Variants in NAV3 observed in about 807,000 individuals in gnomAD.
NAV3 encodes the protein pore membrane and/or filament interacting like protein 1.
Under a neutral mutation model 244.7 loss-of-function variants are expected in NAV3, and 87 were observed. The observed-to-expected ratio is 0.36, with a 90% CI of 0.30 to 0.42. NAV3 has a LOEUF of 0.42. Among genes scored for constraint, NAV3 ranks in the 20% least tolerant of loss-of-function variants. NAV3 has a pLI of 1.00. For missense variants in NAV3, 2,663 were observed against 2,893.3 expected (o/e 0.92, Z 1.83); for synonymous variants, 1,126 against 1,042.2 (o/e 1.08, Z -1.55).
chr12:78,136,984 C>T (rs757734422), intron 18 of NAV3, among the ~76,000 whole-genome samples, 193 bp from the exon 19 acceptor site: 4 of 152,190 alleles, frequency 2.6e-5, no homozygotes, highest in South Asian at 2.1e-4. Context: ...TTCCCATAAA[C>T]GTGCCAGAGG....
In NAV3 at chr12:78,179,930, G is replaced by A. The variant is rs1958428065; in HGVS notation, c.5517+248G>A. Among the ~76,000 whole-genome samples, 3 of 152,188 alleles carry A rather than the reference G, an allele frequency of 2.0e-5. No homozygotes were observed. The South Asian group carries it at 6.2e-4, about 32-fold the overall frequency. On this transcript the variant is annotated intron_variant, in intron 29 of 39. Coordinates refer to ENST00000397909, the MANE Select transcript of NAV3 (RefSeq NM_001024383.2). ...CATTCAGGATACTGTACTAGTAATT[G>A]GATTCAGGTTGAGAGCTAAGCTTTT...
chr12:77,941,322 C>T (rs371496618), intron 3 of NAV3, among the ~76,000 whole-genome samples, 189 bp downstream of exon 3: 1 of 152,154 alleles, frequency 6.6e-6, no homozygotes, highest in East Asian at 1.9e-4. Flanking sequence ...CTCCTATATA[C>T]ACATGACATA....
At chr12:77,888,013 A>G (rs543801802) in intron 1 of NAV3, among the ~76,000 whole-genome samples, 1 of 111,160 alleles carries the variant, frequency 9.0e-6, no homozygotes, top group South Asian at 3.4e-4. Context: ...TAAAGACACA[A>G]AAGTTGTTGA....
intron 2 of NAV3, among the ~76,000 whole-genome samples, chr12:77,669,366 A>T (rs1483137311): frequency 6.6e-6 from 1 of 152,186 alleles, no homozygotes; most frequent in African/African-American, 2.4e-5. Context: ...CTAACATTGA[A>T]TGTAAGTGGC....
intron 2 of NAV3, among the ~76,000 whole-genome samples, chr12:77,694,996 A>G (rs1028016430): frequency 1.8e-4 from 28 of 152,212 alleles, no homozygotes; most frequent in Admixed American, 1.8e-3. Context: ...ACTAACAACA[A>G]TGGCTGGCAT....
At chr12:77,749,075 G>T (rs1426896005) in intron 2 of NAV3, among the ~76,000 whole-genome samples, 1 of 152,120 alleles carries the variant, frequency 6.6e-6, no homozygotes, top group Non-Finnish European at 1.5e-5. Context: ...AACCATCCAC[G>T]TTGTTGGAAA....
At chr12:77,900,939 A>G (rs1885214686) in intron 1 of NAV3, among the ~76,000 whole-genome samples, 1 of 152,110 alleles carries the variant, frequency 6.6e-6, no homozygotes, top group African/African-American at 2.4e-5. Flanking sequence ...CTGGTTTGAG[A>G]TGGTATCTTA....
In NAV3 at chr12:77,812,443, C is replaced by G. The variant is rs60440982; in HGVS notation, c.73-127876C>G. On this transcript the variant is annotated intron_variant, in intron 2 of 8. Transcript: ENST00000550042. ...CTTTTATTTTTTTGAGACAGTCTCACTCTGTTGCCCAGGCTGGAGTGCAGT... is the reference window on the plus strand; with the variant it reads ...CTTTTATTTTTTTGAGACAGTCTCAGTCTGTTGCCCAGGCTGGAGTGCAGT... 3.3e-3 allele frequency among the ~76,000 whole-genome samples: 505 copies of G among 151,768 alleles called. 3 individuals are homozygous for G. Among genetic ancestry groups the G allele is most frequent in the Middle Eastern group, 0.014 (4 of 294 alleles).
At chr12:77,976,554 A>C (rs144802110) in intron 5 of NAV3, among the ~76,000 whole-genome samples, 28 of 152,002 alleles carry the variant, frequency 1.8e-4, no homozygotes, top group African/African-American at 6.0e-4. Flanking sequence ...GTCATAACTT[A>C]TATGGAGCCC....
chr12:78,094,876 G>T (rs185637385), intron 12 of NAV3, among the ~76,000 whole-genome samples: 1 of 151,540 alleles, frequency 6.6e-6, no homozygotes, highest in Non-Finnish European at 1.5e-5. Flanking sequence ...GTGAAACCCC[G>T]TCTCTACTAA....
Position 77,798,155 on chromosome 12 carries a change from G to A in NAV3, c.73-142164G>A, listed in dbSNP as rs944408494. Among the ~76,000 whole-genome samples the A allele has an allele frequency of 2.2e-5, 3 of 137,096 alleles. No individual in the cohort carries two copies. The South Asian group carries it at 7.9e-4, about 36-fold the overall frequency. The allele number at this position is 137,096 out of a possible 152,430, so 89.9% of individuals were successfully genotyped here. A position where few individuals can be genotyped will look rare whatever the true frequency, so the allele number is the denominator to read the frequency against. ...CCCTCCTGGGCCACAGAGTGAGACCGTGTCTCAAAAACAAACAAACAAACA... is the reference window on the plus strand; with the variant it reads ...CCCTCCTGGGCCACAGAGTGAGACCATGTCTCAAAAACAAACAAACAAACA... On this transcript the variant is annotated intron_variant, in intron 2 of 8. Transcript: ENST00000550042.
chr12:77,575,973 A>G (rs1869062187), intron 2 of NAV3, among the ~76,000 whole-genome samples: 1 of 152,092 alleles, frequency 6.6e-6, no homozygotes, highest in Non-Finnish European at 1.5e-5. Flanking sequence ...GTTTAGAGGT[A>G]TTTTTCTTTT....
chr12:77,734,286 G>A (rs899009921), intron 2 of NAV3, among the ~76,000 whole-genome samples: 9 of 151,176 alleles, frequency 6.0e-5, no homozygotes. Context: ...TCCAATGCTT[G>A]TTGTATTCAT....
rs567471751 is a variant in NAV3 at position 77,604,630 on chromosome 12, G to T, written c.72+32364G>T. On this transcript the variant is annotated intron_variant, in intron 2 of 8. Coordinates refer to the NAV3 transcript ENST00000550042. ...TTAGAATGCAGTTGAGATACAAATT[G>T]GGCACTGAACTGTAGGTTTCTTTTT... 2.6e-5 allele frequency among the ~76,000 whole-genome samples: 4 copies of T among 151,860 alleles called. 1 individual carries two copies. In the South Asian group the frequency reaches 8.3e-4, roughly 32 times the overall value.
chr12:78,209,975 G>A (rs543292007), intron 39 of NAV3, among the ~76,000 whole-genome samples: 6 of 152,256 alleles, frequency 3.9e-5, no homozygotes, highest in East Asian at 1.9e-4. Flanking sequence ...GGGACAGTGC[G>A]TGTGTGCCTC....
intron 2 of NAV3, among the ~76,000 whole-genome samples, chr12:77,755,569 TTTCCTTTCCTTTCC>T (rs1869105077): frequency 1.7e-5 from 1 of 60,584 alleles, no homozygotes; most frequent in Non-Finnish European, 3.3e-5. Flanking sequence ...TTTCCTTTCC[TTTCCTTTCCTTTCC>T]TCCCTCCCTC....
Position 78,211,900 on chromosome 12 carries a change from G to A in NAV3, c.*1383G>A, listed in dbSNP as rs1462205349. ...TTGCACAGTCTACTGGGTAGGTATT[G>A]TAAATAATAATTTTTAAAACTTGCA... On this transcript the variant is annotated 3_prime_UTR_variant, in exon 40 of 40. Transcript: ENST00000397909. The A allele has an allele frequency of 1.3e-5, 2 of 152,560 alleles. No individual in the cohort carries two copies. The highest frequency in any genetic ancestry group is 4.8e-5 in the African/African-American group (2 of 41,444). The allele number at this position is 152,560 out of a possible 1,614,324, so 9.5% of individuals were successfully genotyped here.
chr12:78,121,053 C>T (rs1955646022), intron 15 of NAV3, among the ~76,000 whole-genome samples: 1 of 152,060 alleles, frequency 6.6e-6, no homozygotes. Context: ...AAGTAAAAGC[C>T]AATAGTGCCC....
At chr12:78,188,534 C>A in intron 32 of NAV3, 75 bp from the exon 33 acceptor site, 1 of 1,413,798 alleles carries the variant, frequency 7.1e-7, no homozygotes, top group Non-Finnish European at 9.8e-7. Flanking sequence ...AGCTCTATAT[C>A]CCTGTGAGTT....
Sources: gnomAD v4.1 joint callset for allele counts (sites outside exome capture counted in the v4.1 genomes callset) on GRCh38, gnomAD v4.1.1 for gene constraint, MANE v1.5 for transcripts, NCBI Gene and HGNC (gene_info 2026-07-23, HGNC 2026-07-21) for gene names.